The following TBC1D22A variants were observed in gnomAD, a reference collection of about 807,000 sequenced individuals.
The protein encoded by TBC1D22A is TBC1 domain family member 22A.
TBC1D22A carries 38 observed loss-of-function variants against 60.2 expected under a neutral mutation model. The observed-to-expected ratio is 0.63, with a 90% confidence interval of 0.49 to 0.83. TBC1D22A has a LOEUF of 0.83. Among genes scored for constraint, TBC1D22A ranks in the 40% least tolerant of loss-of-function variants. The probability of loss-of-function intolerance (pLI) is 0.00; values close to 1 mark genes in which losing one functional copy is unlikely to be tolerated. For missense variants in TBC1D22A, 628 were observed against 701.0 expected, an observed-to-expected ratio of 0.90 and a Z score of 1.18; for synonymous variants, 302 against 281.7, an observed-to-expected ratio of 1.07 and a Z score of -0.72.
At chr22:47,129,208 G>T (rs1363933424) in intron 12 of TBC1D22A, among the ~76,000 whole-genome samples, 1 of 152,236 alleles carries the variant, frequency 6.6e-6, no homozygotes, top group Non-Finnish European at 1.5e-5. Context: ...CCCGGGCATG[G>T]TGGCTCACAC....
intron 11 of TBC1D22A, among the ~76,000 whole-genome samples, chr22:47,064,429 G>A (rs893361043): frequency 6.6e-6 from 1 of 152,278 alleles, no homozygotes; most frequent in South Asian, 2.1e-4. Flanking sequence ...TATGGTTAAT[G>A]TCAGGGAGGA....
At position 46,797,443 on chromosome 22, in the gene TBC1D22A, G is replaced by C. The variant is rs1366347272; in HGVS notation, c.461-1G>C. ...TCACCCCCATTCTCTCACCCCTGCAGAAAGTGCCAGCGATGCCGCCCCTCT... is the reference window on the plus strand; with the variant it reads ...TCACCCCCATTCTCTCACCCCTGCACAAAGTGCCAGCGATGCCGCCCCTCT... On this transcript the variant is annotated splice_acceptor_variant, in intron 3 of 12. Transcript: ENST00000337137. LOFTEE classifies it high-confidence loss of function. The C allele has an allele frequency of 6.2e-7, 1 of 1,612,584 alleles. No homozygotes were observed. The highest frequency in any genetic ancestry group is 1.1e-5 in the South Asian group (1 of 90,982).
At chr22:46,794,225 C>T (rs1601890460) in intron 3 of TBC1D22A, among the ~76,000 whole-genome samples, 1 of 152,314 alleles carries the variant, frequency 6.6e-6, no homozygotes, top group East Asian at 1.9e-4. Flanking sequence ...GTGATGGTTC[C>T]ATGGGTGACA....
At chr22:47,130,802 A>G (rs1277824732) in intron 12 of TBC1D22A, among the ~76,000 whole-genome samples, 1 of 152,180 alleles carries the variant, frequency 6.6e-6, no homozygotes, top group South Asian at 2.1e-4. Flanking sequence ...CGGAGTACCT[A>G]CTAGAAGGTG....
chr22:46,825,591 A>G (rs2086018950), intron 4 of TBC1D22A, among the ~76,000 whole-genome samples: 2 of 152,160 alleles, frequency 1.3e-5, no homozygotes, highest in Admixed American at 1.3e-4. Context: ...CTTGTGCCTC[A>G]GCCTCCCAAG....
chr22:46,943,806 C>T (rs543834625), intron 8 of TBC1D22A, among the ~76,000 whole-genome samples: 80 of 152,312 alleles, frequency 5.3e-4, no homozygotes, highest in African/African-American at 1.6e-3. Context: ...CAGCATCCTA[C>T]GGCATGTGGC....
At chr22:47,042,783 G>A (rs1358995234) in intron 11 of TBC1D22A, among the ~76,000 whole-genome samples, 1 of 152,266 alleles carries the variant, frequency 6.6e-6, no homozygotes, top group Non-Finnish European at 1.5e-5. Flanking sequence ...GAAGCAGCCT[G>A]TTCTGCTGCC....
At chr22:46,952,402 G>A (rs1473203671) in intron 8 of TBC1D22A, among the ~76,000 whole-genome samples, 1 of 152,112 alleles carries the variant, frequency 6.6e-6, no homozygotes, top group Non-Finnish European at 1.5e-5. Context: ...TGTCTTCATT[G>A]AACTGTGTAC....
At chr22:46,791,833 T>G (rs187960105) in intron 1 of TBC1D22A, among the ~76,000 whole-genome samples, 12 of 152,238 alleles carry the variant, frequency 7.9e-5, no homozygotes, top group African/African-American at 2.9e-4. Flanking sequence ...CGATCTCGGC[T>G]GACTGCAACC....
intron 11 of TBC1D22A, among the ~76,000 whole-genome samples, chr22:47,040,521 G>A (rs9615452): frequency 9.3e-5 from 14 of 151,098 alleles, no homozygotes; most frequent in African/African-American, 2.9e-4. Context: ...AGAGGGCATC[G>A]GTAAGTCTGA....
chr22:46,881,358 C>A (rs1214656155), intron 5 of TBC1D22A, among the ~76,000 whole-genome samples: 1 of 152,190 alleles, frequency 6.6e-6, no homozygotes, highest in Non-Finnish European at 1.5e-5. Context: ...CCCCTGGGGC[C>A]TGCAGAACAG....
At chr22:47,058,756 G>A (rs1019505971) in intron 11 of TBC1D22A, among the ~76,000 whole-genome samples, 6 of 152,212 alleles carry the variant, frequency 3.9e-5, no homozygotes, top group South Asian at 4.2e-4. Flanking sequence ...GGGTTGGTCC[G>A]TAGGTCCCAG....
intron 4 of TBC1D22A, among the ~76,000 whole-genome samples, chr22:46,836,482 A>G (rs1602081300): frequency 6.6e-6 from 1 of 152,100 alleles, no homozygotes; most frequent in East Asian, 1.9e-4. Context: ...TACAGTTGAT[A>G]TGGAAAATAT....
chr22:46,915,128 G>A (rs574130585), intron 8 of TBC1D22A: 6 of 330,796 alleles, frequency 1.8e-5, no homozygotes, highest in Non-Finnish European at 3.6e-5. Flanking sequence ...TTGGGGTCGA[G>A]TCCCAGGGGT....
intron 9 of TBC1D22A, among the ~76,000 whole-genome samples, chr22:46,981,900 A>G (rs2074526995): frequency 6.6e-6 from 1 of 152,246 alleles, no homozygotes; most frequent in Admixed American, 6.5e-5. Context: ...TCCAGCACAC[A>G]GAGAATATTC....
At chr22:47,056,431 A>G (rs1395607238) in intron 11 of TBC1D22A, among the ~76,000 whole-genome samples, 1 of 152,110 alleles carries the variant, frequency 6.6e-6, no homozygotes, top group Non-Finnish European at 1.5e-5. Context: ...ATCCTTCAGA[A>G]TGAGCCTGCG....
Position 46,773,831 on chromosome 22 carries a change from G to A in TBC1D22A, c.62+10983G>A, listed in dbSNP as rs553408418. The A allele has an allele frequency of 8.0e-5, 53 of 660,570 alleles. No homozygotes were observed. In the East Asian group the frequency reaches 1.1e-3, roughly 14 times the overall value. 40.9% of individuals were successfully genotyped at this position (660,570 alleles called of 1,614,324 possible). A position where few individuals can be genotyped will look rare whatever the true frequency, so the allele number is the denominator to read the frequency against. On this transcript the variant is annotated intron_variant, in intron 1 of 12. Coordinates refer to ENST00000337137, the MANE Select transcript of TBC1D22A (RefSeq NM_014346.5). ...CCTCATAGCAGCTGGGGGTGGTACC[G>A]TGTGGTCCCTATTTTACAAATGAGG...
rs183789983 is a variant in TBC1D22A, at chr22:47,171,714, G to T, written c.1426-1784G>T. 3.0e-4 allele frequency among the ~76,000 whole-genome samples: 45 copies of T among 152,318 alleles called. No individual in the cohort carries two copies. In the East Asian group the frequency reaches 7.9e-3, roughly 27 times the overall value. On this transcript the variant is annotated intron_variant, in intron 12 of 12. Coordinates refer to ENST00000337137, the MANE Select transcript of TBC1D22A (RefSeq NM_014346.5). Reference sequence around the variant, plus strand: ...GCCAGCAGCTGTGGATGTGGGCGTGGTCATGTGGGAGGGCGGGGCTGTCAG... The same window carrying T: ...GCCAGCAGCTGTGGATGTGGGCGTGTTCATGTGGGAGGGCGGGGCTGTCAG...
At chr22:46,865,655 T>G (rs2067015756) in intron 4 of TBC1D22A, among the ~76,000 whole-genome samples, 1 of 152,202 alleles carries the variant, frequency 6.6e-6, no homozygotes, top group African/African-American at 2.4e-5. Context: ...CACATCCAGA[T>G]TCCCCTGCAC....
Sources: allele counts gnomAD v4.1 joint callset (sites outside exome capture counted in the v4.1 genomes callset), GRCh38; gene constraint gnomAD v4.1.1; transcripts MANE v1.5; gene names NCBI Gene and HGNC (gene_info 2026-07-23, HGNC 2026-07-21).